The following TULP4 variants were observed in gnomAD, a reference collection of about 807,000 sequenced individuals.
TULP4 encodes the protein tubby-related protein 4.
In TULP4, 16 loss-of-function variants were observed where a neutral mutation model predicts 129.0. The observed-to-expected ratio is 0.12, with a 90% CI of 0.08 to 0.19. The LOEUF is 0.19. TULP4 is among the 10% of genes least tolerant of loss of function. TULP4 has a pLI of 1.00. For missense variants in TULP4, 1,842 were observed against 2,059.1 expected (o/e 0.89, Z 2.04); for synonymous variants, 998 against 854.0 (o/e 1.17, Z -2.94).
chr6:158,496,520 C>T (rs1473565328), intron 11 of TULP4, among the ~76,000 whole-genome samples: 1 of 152,184 alleles, frequency 6.6e-6, no homozygotes, highest in Non-Finnish European at 1.5e-5. Context: ...CATCCCTGTA[C>T]ATAATGCAAA....
intron 1 of TULP4, among the ~76,000 whole-genome samples, chr6:158,254,291 C>T (rs557619486): frequency 9.3e-5 from 14 of 151,174 alleles, no homozygotes; most frequent in South Asian, 4.2e-4. Context: ...TACAGGAATG[C>T]GCCACCATGC....
intron 1 of TULP4, among the ~76,000 whole-genome samples, chr6:158,327,965 C>T (rs1355294159): frequency 6.6e-6 from 1 of 152,086 alleles, no homozygotes; most frequent in Non-Finnish European, 1.5e-5. Flanking sequence ...TTTCTTGGGA[C>T]TGCCAAAGGT....
chr6:158,268,025 T>C (rs1562500072), intron 1 of TULP4, among the ~76,000 whole-genome samples: 1 of 119,598 alleles, frequency 8.4e-6, no homozygotes, highest in Non-Finnish European at 1.9e-5. Flanking sequence ...TTCTTTTCTT[T>C]TTCTTTTTTC....
chr6:158,438,392 T>C (rs922766398), intron 3 of TULP4, among the ~76,000 whole-genome samples: 1 of 152,200 alleles, frequency 6.6e-6, no homozygotes, highest in African/African-American at 2.4e-5. Context: ...GATTGAAGCA[T>C]GTAGTTTGGG....
intron 1 of TULP4, among the ~76,000 whole-genome samples, chr6:158,264,004 A>C (rs993281627): frequency 3.9e-5 from 6 of 152,134 alleles, no homozygotes; most frequent in Non-Finnish European, 8.8e-5. Context: ...CAGAGCTTGC[A>C]GTGAGCCAAG....
chr6:158,365,658 A>G (rs1780924163), intron 1 of TULP4, among the ~76,000 whole-genome samples: 1 of 149,988 alleles, frequency 6.7e-6, no homozygotes, highest in African/African-American at 2.5e-5. Context: ...TTGTTAGTAG[A>G]GAGGGGGTTT....
intron 1 of TULP4, 143 bp from the exon 2 acceptor site, chr6:158,412,922 C>G (rs1778129127): frequency 8.4e-7 from 1 of 1,196,282 alleles, no homozygotes; most frequent in Non-Finnish European, 1.1e-6. Flanking sequence ...CTGTCTGTTC[C>G]CTGCCCTGAT....
At chr6:158,414,634 C>T (rs764059524) in intron 2 of TULP4, among the ~76,000 whole-genome samples, 3 of 152,134 alleles carry the variant, frequency 2.0e-5, no homozygotes, top group East Asian at 1.9e-4. Flanking sequence ...ACCGCCTCTC[C>T]GAGTTGGCCT....
At chr6:158,236,775 G>A (rs1461142015) in intron 1 of TULP4, among the ~76,000 whole-genome samples, 1 of 136,870 alleles carries the variant, frequency 7.3e-6, no homozygotes, top group African/African-American at 2.7e-5. Context: ...TACCAAGATG[G>A]GTAAATGCCC....
At chr6:158,395,375 G>A (rs1341013018) in intron 1 of TULP4, among the ~76,000 whole-genome samples, 1 of 152,040 alleles carries the variant, frequency 6.6e-6, no homozygotes, top group Admixed American at 6.6e-5. Context: ...AAGGTCGGGA[G>A]TTTGAGACCA....
chr6:158,423,619 ATTTG>A (rs1448612589), intron 2 of TULP4, among the ~76,000 whole-genome samples: 4 of 124,744 alleles, frequency 3.2e-5, no homozygotes, highest in African/African-American at 6.2e-5. Flanking sequence ...GTTTGTTGTT[ATTTG>A]TTTTTGTTTT....
At chr6:158,462,663 A>G (rs1184611456) in intron 6 of TULP4, among the ~76,000 whole-genome samples, 3 of 150,908 alleles carry the variant, frequency 2.0e-5, no homozygotes, top group Non-Finnish European at 3.0e-5. Flanking sequence ...ATGAGCCACC[A>G]TGCCCAGCCA....
At chr6:158,242,526 G>A in intron 1 of TULP4, 1 of 756,606 alleles carries the variant, frequency 1.3e-6, no homozygotes, top group South Asian at 1.4e-5. Context: ...ACTTTCTACT[G>A]TCTTCAAGAC....
chr6:158,406,349 A>G (rs1777977398), intron 1 of TULP4, among the ~76,000 whole-genome samples: 1 of 152,180 alleles, frequency 6.6e-6, no homozygotes, highest in Non-Finnish European at 1.5e-5. Flanking sequence ...TAACTACTAG[A>G]TACACCAAGG....
At chr6:158,404,668 C>A (rs531122202) in intron 1 of TULP4, among the ~76,000 whole-genome samples, 83 of 150,940 alleles carry the variant, frequency 5.5e-4, no homozygotes, top group African/African-American at 1.9e-3. Context: ...CCCAGCTACT[C>A]AGGAGGCTGA....
chr6:158,423,946 T>C (rs555226713), intron 2 of TULP4, among the ~76,000 whole-genome samples: 60 of 152,092 alleles, frequency 3.9e-4, no homozygotes, highest in Non-Finnish European at 1.2e-4. Flanking sequence ...GGCCAACTTC[T>C]TCTCTTTGGA....
intron 3 of TULP4, among the ~76,000 whole-genome samples, chr6:158,439,193 A>G (rs1057486082): frequency 6.6e-6 from 1 of 151,928 alleles, no homozygotes; most frequent in Non-Finnish European, 1.5e-5. Flanking sequence ...ATAATAATTT[A>G]CCGATATTTG....
intron 1 of TULP4, among the ~76,000 whole-genome samples, chr6:158,411,076 G>A (rs1583846837): frequency 2.0e-5 from 3 of 150,684 alleles, no homozygotes; most frequent in Admixed American, 1.3e-4. Context: ...CGGTTGTCCT[G>A]GCGTACAAGG....
chr6:158,289,996 C>T (rs1052509450), intron 1 of TULP4, among the ~76,000 whole-genome samples: 2 of 152,086 alleles, frequency 1.3e-5, no homozygotes, highest in African/African-American at 2.4e-5. Context: ...AGTGTAGTGG[C>T]GTGATTAATG....
Sources: allele counts gnomAD v4.1 joint callset (sites outside exome capture counted in the v4.1 genomes callset), GRCh38; gene constraint gnomAD v4.1.1; transcripts MANE v1.5; gene names NCBI Gene and HGNC (gene_info 2026-07-23, HGNC 2026-07-21).